USH2A: variants seen among roughly 807,000 people sequenced by gnomAD.
USH2A encodes the protein usherin, also known as Usher syndrome 2A (autosomal recessive, mild).
A neutral mutation model predicts 538.9 loss-of-function variants in USH2A; 443 were observed. The observed-to-expected ratio is 0.82, with a 90% CI of 0.76 to 0.89. The LOEUF is 0.89. Ranked by LOEUF, USH2A falls within the 40% of genes least tolerant of loss-of-function variation. USH2A has a pLI of 0.00. For synonymous variants in USH2A, 2,413 were observed against 2,273.5 expected (o/e 1.06, Z -1.75); for missense variants, 6,633 against 6,324.8 (o/e 1.05, Z -1.65).
At chr1:216,077,716 T>C (rs1194014935) in intron 27 of USH2A, among the ~76,000 whole-genome samples, 2 of 147,664 alleles carry the variant, frequency 1.4e-5, no homozygotes, top group Admixed American at 7.1e-5. Flanking sequence ...AGCACCTCAG[T>C]TACCTTATTT....
chr1:215,780,026 T>C lies in USH2A; in HGVS notation c.10756A>G (p.Thr3586Ala), dbSNP rs774505414. The change falls in exon 55 of 72, where the codon ACC (threonine) becomes GCC (alanine). Residue 3586 changes from threonine (T) to alanine (A), a missense_variant. Coordinates refer to ENST00000307340, the MANE Select transcript of USH2A (RefSeq NM_206933.4). ...ATSSKVVAAT[T>A]QGVPESILPP... ...AGGATGCTCTCCGGAACTCCTTGGG[T>C]AGTAGCTGCAACTACCTGAAGACGT... The C allele has an allele frequency of 1.9e-6, 3 of 1,614,132 alleles. No homozygotes were observed. In the South Asian group the frequency reaches 3.3e-5, roughly 18 times the overall value.
chr1:215,754,552 C>A (rs1450077410), intron 58 of USH2A, among the ~76,000 whole-genome samples: 1 of 151,832 alleles, frequency 6.6e-6, no homozygotes, highest in Non-Finnish European at 1.5e-5. Flanking sequence ...ACAATTTAGC[C>A]AGTATTTTGG....
rs2036147885 is a variant in USH2A, at chr1:216,250,960, C to G, written c.2110G>C (p.Gly704Arg). Residue 704 changes from glycine to arginine, a missense_variant, in exon 12 of 72, where the codon GGA becomes CGA. Coordinates refer to ENST00000307340, the MANE Select transcript of USH2A (RefSeq NM_206933.4). ...CNCNTSGTVD[G>R]DITCHQNSGQ... is the part of the protein sequence containing the mutation. ...GAATTTTGGTGACAGGTAATATCTC[C>G]ATCCACTGTCCCAGAGGTATTGCAG... 12 of 1,614,036 alleles carry G rather than the reference C, an allele frequency of 7.4e-6. No homozygotes were observed. The highest frequency in any genetic ancestry group is 9.3e-6 in the Non-Finnish European group (11 of 1,179,976).
chr1:215,846,871 G>T (rs1368628821), intron 44 of USH2A, among the ~76,000 whole-genome samples: 1 of 152,160 alleles, frequency 6.6e-6, no homozygotes, highest in Non-Finnish European at 1.5e-5. Context: ...TGCTTAGAAA[G>T]ATATCCTTTT....
intron 20 of USH2A, among the ~76,000 whole-genome samples, chr1:216,177,643 C>G (rs546661515): frequency 1.3e-5 from 2 of 152,246 alleles, no homozygotes; most frequent in South Asian, 4.1e-4. Flanking sequence ...TGGGACCTTG[C>G]CATCCTTTCA....
intron 44 of USH2A, among the ~76,000 whole-genome samples, chr1:215,855,837 C>T (rs1366622446): frequency 6.6e-6 from 1 of 152,112 alleles, no homozygotes; most frequent in African/African-American, 2.4e-5. Context: ...TAAAAATAGG[C>T]ATATAGACCA....
chr1:215,760,473 T>C (rs1660950064), intron 56 of USH2A, among the ~76,000 whole-genome samples: 1 of 152,118 alleles, frequency 6.6e-6, no homozygotes. Context: ...GGGTTTTAAA[T>C]ATGCATATGC....
Position 216,323,575 on chromosome 1 carries a change from C to T in USH2A, c.1449G>A (p.Thr483=), listed in dbSNP as rs755603663. 2.7e-5 allele frequency: 43 copies of T among 1,613,376 alleles called. No individual in the cohort carries two copies. Among genetic ancestry groups the T allele is most frequent in the South Asian group, 6.6e-5 (6 of 91,078 alleles). The change falls in exon 8 of 72, where the codon ACG becomes ACA. Residue 483 remains threonine (T), a synonymous_variant. Transcript: ENST00000307340. ...TPSLQEFVKA[T]QIRFHFHGQY... is the part of the protein sequence containing the mutation. The stretch of plus-strand genomic sequence containing the variant: ...GCCCATGAAAATGAAACCTTATTTG[C>T]GTGGCTTTTACGAACTCTTGAAGAG...
At chr1:215,983,721 A>G (rs570416812) in intron 35 of USH2A, among the ~76,000 whole-genome samples, 128 of 152,344 alleles carry the variant, frequency 8.4e-4, no homozygotes, top group Non-Finnish European at 1.5e-3. Context: ...AACCAATGAC[A>G]ACTCAAATGG....
intron 14 of USH2A, among the ~76,000 whole-genome samples, chr1:216,226,966 C>G (rs1163833952): frequency 6.6e-6 from 1 of 152,292 alleles, no homozygotes; most frequent in East Asian, 1.9e-4. Context: ...TATCAATGCA[C>G]TGGTCTCTCC....
At chr1:216,024,005 C>A (rs1668905906) in intron 32 of USH2A, among the ~76,000 whole-genome samples, 1 of 151,976 alleles carries the variant, frequency 6.6e-6, no homozygotes, top group African/African-American at 2.4e-5. Flanking sequence ...ATATAAGTTT[C>A]ACTTATAAAG....
intron 61 of USH2A, among the ~76,000 whole-genome samples, chr1:215,685,800 C>T (rs1464666988): frequency 6.6e-6 from 1 of 152,136 alleles, no homozygotes; most frequent in Admixed American, 6.6e-5. Flanking sequence ...AGAACATTTT[C>T]ACCAACTTCA....
chr1:216,100,786 T>G (rs2032557964), intron 21 of USH2A, among the ~76,000 whole-genome samples: 1 of 152,166 alleles, frequency 6.6e-6, no homozygotes, highest in South Asian at 2.1e-4. Flanking sequence ...ACAGGAATAT[T>G]TAGACAAGAT....
chr1:215,640,130 C>T (rs1316869091), intron 68 of USH2A, among the ~76,000 whole-genome samples: 5 of 152,180 alleles, frequency 3.3e-5, no homozygotes, highest in Non-Finnish European at 7.3e-5. Flanking sequence ...ACCCCTTATT[C>T]AGGTCCTCAT....
intron 68 of USH2A, 42 bp downstream of exon 68, chr1:215,640,516 C>A: frequency 1.2e-6 from 2 of 1,611,980 alleles, no homozygotes; most frequent in Non-Finnish European, 1.7e-6. Flanking sequence ...AGCTGGGGAA[C>A]AGAGCGCCTT....
intron 38 of USH2A, among the ~76,000 whole-genome samples, chr1:215,931,044 C>T (rs970947068): frequency 6.6e-6 from 1 of 151,706 alleles, no homozygotes; most frequent in Admixed American, 6.6e-5. Flanking sequence ...CTTGAGTGTG[C>T]AGAAGTAGGG....
intron 21 of USH2A, among the ~76,000 whole-genome samples, chr1:216,119,229 T>C (rs1272741421): frequency 6.6e-6 from 1 of 152,310 alleles, no homozygotes; most frequent in East Asian, 1.9e-4. Flanking sequence ...AATTTGGTAA[T>C]GGTCTGATTA....
intron 37 of USH2A, among the ~76,000 whole-genome samples, chr1:215,953,609 C>A (rs922239610): frequency 3.3e-5 from 5 of 151,880 alleles, no homozygotes; most frequent in African/African-American, 9.7e-5. Flanking sequence ...CCATAAAAAC[C>A]CTAGAAGAAA....
At chr1:216,104,796 G>A (rs1022459701) in intron 21 of USH2A, among the ~76,000 whole-genome samples, 11 of 152,084 alleles carry the variant, frequency 7.2e-5, no homozygotes, top group African/African-American at 2.7e-4. Flanking sequence ...AAAAGCAATG[G>A]CAACAAAAGC....
Sources: gnomAD v4.1 joint callset for allele counts (sites outside exome capture counted in the v4.1 genomes callset) on GRCh38, gnomAD v4.1.1 for gene constraint, MANE v1.5 for transcripts, NCBI Gene and HGNC (gene_info 2026-07-23, HGNC 2026-07-21) for gene names.